Variants in CMSS1 observed in about 807,000 individuals in gnomAD.
CMSS1 encodes the protein cms1 ribosomal small subunit homolog, also known as protein CMSS1.
In CMSS1, 33 loss-of-function variants were observed where a neutral mutation model predicts 43.5. The observed-to-expected ratio is 0.76, with a 90% CI of 0.57 to 1.01. The LOEUF is 1.01. Among genes scored for constraint, CMSS1 ranks in the 50% least tolerant of loss-of-function variants. The probability of loss-of-function intolerance (pLI) is 0.00; values close to 1 mark genes in which losing one functional copy is unlikely to be tolerated. For synonymous variants in CMSS1, 115 were observed against 117.2 expected (o/e 0.98, Z 0.12); for missense variants, 313 against 326.4 (o/e 0.96, Z 0.32).
intron 1 of CMSS1, among the ~76,000 whole-genome samples, chr3:99,868,999 T>G (rs2107576451): frequency 6.6e-6 from 1 of 152,320 alleles, no homozygotes. Context: ...TTGAACTCTG[T>G]GCATACTTGA....
Position 99,820,222 on chromosome 3 carries a change from G to A in CMSS1, c.64+2179G>A, listed in dbSNP as rs371674561. On this transcript the variant is annotated intron_variant, in intron 1 of 9. Transcript: ENST00000421999. ...ACCCTTTTTTTTTTTTTGAGACGAA[G>A]TCTCACTCTTGTCCCCCAGTCTGGA... is the stretch of plus-strand genomic sequence containing the variant. Among the ~76,000 whole-genome samples the A allele has an allele frequency of 1.1e-4, 17 of 148,556 alleles. No homozygotes were observed. The East Asian group carries it at 3.2e-3, about 28-fold the overall frequency.
At chr3:100,013,214 G>GTGTTGTTGTTGTTGTTGTTGT (rs35047568) in intron 1 of CMSS1, among the ~76,000 whole-genome samples, 2 of 145,522 alleles carry the variant, frequency 1.4e-5, no homozygotes, top group South Asian at 2.3e-4. Flanking sequence ...GGCCAGTGAG[G>GTGTTGTTGTTGTTGTTGTTGT]TGTTGTTGTT....
intron 1 of CMSS1, among the ~76,000 whole-genome samples, chr3:100,099,425 A>G (rs977952055): frequency 2.0e-5 from 3 of 152,232 alleles, no homozygotes; most frequent in Non-Finnish European, 4.4e-5. Flanking sequence ...AAACAAGTAT[A>G]CAAGGGTAAG....
intron 1 of CMSS1, among the ~76,000 whole-genome samples, chr3:99,961,778 CT>C (rs1708498516): frequency 6.6e-6 from 1 of 152,168 alleles, no homozygotes; most frequent in Admixed American, 6.5e-5. Context: ...CCGATCTTGC[CT>C]TTCCCCCTTT....
chr3:100,034,158 T>A (rs1199388315), intron 1 of CMSS1, among the ~76,000 whole-genome samples: 2 of 152,218 alleles, frequency 1.3e-5, no homozygotes, highest in African/African-American at 4.8e-5. Flanking sequence ...GGACACTAAA[T>A]TCCATTGTGG....
chr3:99,876,188 G>C, intron 1 of CMSS1: 2 of 985,426 alleles, frequency 2.0e-6, no homozygotes, highest in Non-Finnish European at 2.4e-6. Context: ...GGGGCGCTGA[G>C]CGCGCCCGGC....
chr3:100,143,616 A>G (rs934301722), intron 1 of CMSS1, among the ~76,000 whole-genome samples: 1 of 152,146 alleles, frequency 6.6e-6, no homozygotes, highest in Non-Finnish European at 1.5e-5. Flanking sequence ...CTATCTAGTC[A>G]TTCTCTCAAT....
intron 1 of CMSS1, among the ~76,000 whole-genome samples, chr3:100,022,305 A>C (rs957465111): frequency 2.0e-5 from 3 of 152,154 alleles, no homozygotes; most frequent in Non-Finnish European, 4.4e-5. Context: ...CACCACCCTA[A>C]GTTGAGCCAG....
intron 1 of CMSS1, among the ~76,000 whole-genome samples, chr3:100,132,125 G>C (rs1204231479): frequency 6.6e-6 from 1 of 152,154 alleles, no homozygotes; most frequent in Non-Finnish European, 1.5e-5. Context: ...ATTAATCTTG[G>C]CTGGGTATGG....
intron 1 of CMSS1, among the ~76,000 whole-genome samples, chr3:99,944,611 G>A (rs1317245213): frequency 6.6e-6 from 1 of 152,218 alleles, no homozygotes; most frequent in Non-Finnish European, 1.5e-5. Flanking sequence ...AACCTAAAGA[G>A]GTTAAGTTAA....
chr3:99,969,942 A>T (rs1317313495), intron 1 of CMSS1, among the ~76,000 whole-genome samples: 1 of 152,226 alleles, frequency 6.6e-6, no homozygotes, highest in Non-Finnish European at 1.5e-5. Context: ...AGATAATTGG[A>T]TAATATGAAA....
At chr3:99,910,405 T>G (rs1015650014) in intron 1 of CMSS1, among the ~76,000 whole-genome samples, 2 of 136,382 alleles carry the variant, frequency 1.5e-5, no homozygotes, top group African/African-American at 5.0e-5. Flanking sequence ...AAAACAGGGT[T>G]CTGTGAGCTT....
intron 1 of CMSS1, among the ~76,000 whole-genome samples, chr3:100,029,432 C>T (rs1462621518): frequency 6.6e-6 from 1 of 152,058 alleles, no homozygotes; most frequent in Non-Finnish European, 1.5e-5. Flanking sequence ...GCTAAATAGT[C>T]ATTCATTTTA....
At chr3:99,853,069 G>C (rs984817052) in intron 1 of CMSS1, among the ~76,000 whole-genome samples, 2 of 152,170 alleles carry the variant, frequency 1.3e-5, no homozygotes, top group Non-Finnish European at 2.9e-5. Flanking sequence ...TTCTGGCCAT[G>C]CCCCATCCCT....
intron 2 of CMSS1, 47 bp from the exon 3 acceptor site, chr3:100,160,383 C>T (rs1379186506): frequency 1.0e-6 from 1 of 989,414 alleles, no homozygotes; most frequent in East Asian, 2.5e-5. Flanking sequence ...CTAATTGACA[C>T]TTTATCATGA....
chr3:99,986,521 C>A (rs1709346829), intron 1 of CMSS1, among the ~76,000 whole-genome samples: 1 of 152,056 alleles, frequency 6.6e-6, no homozygotes, highest in African/African-American at 2.4e-5. Context: ...ACAGGAGTTA[C>A]AGGGCTTATA....
intron 1 of CMSS1, among the ~76,000 whole-genome samples, chr3:99,911,545 G>A (rs957767788): frequency 4.6e-5 from 7 of 151,882 alleles, no homozygotes; most frequent in African/African-American, 1.7e-4. Flanking sequence ...GTATGCCCTG[G>A]CTCTAAAATA....
In CMSS1 at chr3:100,027,608, G is replaced by A. The variant is rs141766100; in HGVS notation, c.65-119365G>A. 2.3e-4 allele frequency among the ~76,000 whole-genome samples: 35 copies of A among 152,192 alleles called. 1 individual carries two copies. Among genetic ancestry groups the A allele is most frequent in the African/African-American group, 8.2e-4 (34 of 41,532 alleles). On this transcript the variant is annotated intron_variant, in intron 1 of 9. Transcript: ENST00000421999. ...TCCACCCTGCTCAACTTCGATACAT[G>A]CTTATTGTTTTGTGCCTCAACATTG...
Position 99,920,872 on chromosome 3 carries a change from G to A in CMSS1, c.64+102829G>A, listed in dbSNP as rs113829346. ...AGGTCTCATTAACTACCTCAATCAC[G>A]TAGTTCTTAATTTTTGTTTTATTTC... On this transcript the variant is annotated intron_variant, in intron 1 of 9. Transcript: ENST00000421999. Among the ~76,000 whole-genome samples the A allele has an allele frequency of 7.9e-5, 12 of 152,246 alleles. 1 individual carries two copies. The highest frequency in any genetic ancestry group is 3.9e-4 in the East Asian group (2 of 5,184).
Sources: allele counts gnomAD v4.1 joint callset (sites outside exome capture counted in the v4.1 genomes callset), GRCh38; gene constraint gnomAD v4.1.1; transcripts MANE v1.5; gene names NCBI Gene and HGNC (gene_info 2026-07-23, HGNC 2026-07-21).